Variants in FILIP1L observed in about 807,000 individuals in gnomAD.
FILIP1L encodes the protein filamin A interacting protein 1 like.
Under a neutral mutation model 96.6 loss-of-function variants are expected in FILIP1L, and 55 were observed. That is an observed-to-expected ratio of 0.57 (90% CI 0.46 to 0.71). FILIP1L has a LOEUF of 0.71. Among genes scored for constraint, FILIP1L ranks in the 30% least tolerant of loss-of-function variants. The probability of loss-of-function intolerance (pLI) is 0.00; values close to 1 mark genes in which losing one functional copy is unlikely to be tolerated. For missense variants in FILIP1L, 1,304 were observed against 1,321.2 expected, an observed-to-expected ratio of 0.99 and a Z score of 0.20; for synonymous variants, 467 against 473.9, an observed-to-expected ratio of 0.99 and a Z score of 0.19.
chr3:100,070,828 A>G (rs928948550), intron 1 of FILIP1L, among the ~76,000 whole-genome samples: 2 of 152,132 alleles, frequency 1.3e-5, no homozygotes, highest in African/African-American at 4.8e-5. Flanking sequence ...ACCGGGTCTC[A>G]CCATGTTGGC....
intron 1 of FILIP1L, among the ~76,000 whole-genome samples, chr3:100,037,964 G>GT (rs2065138276): frequency 8.1e-6 from 1 of 124,134 alleles, no homozygotes; most frequent in African/African-American, 3.1e-5. Flanking sequence ...TTTGGGGGGG[G>GT]AGGGAACAGA....
intron 1 of FILIP1L, among the ~76,000 whole-genome samples, chr3:100,057,428 A>C (rs554913517): frequency 2.6e-5 from 4 of 152,300 alleles, no homozygotes; most frequent in Admixed American, 2.6e-4. Flanking sequence ...AAGCTATAGA[A>C]TCTGCTTATA....
intron 1 of FILIP1L, among the ~76,000 whole-genome samples, chr3:100,081,376 C>T (rs1184669633): frequency 1.3e-5 from 2 of 152,120 alleles, no homozygotes; most frequent in Non-Finnish European, 2.9e-5. Flanking sequence ...TTTTGGAAAC[C>T]CAGCAGGATT....
At chr3:100,054,356 A>G (rs2065424401) in intron 1 of FILIP1L, among the ~76,000 whole-genome samples, 2 of 152,172 alleles carry the variant, frequency 1.3e-5, no homozygotes, top group South Asian at 4.1e-4. Flanking sequence ...GAAAGCTCAG[A>G]TCTGGAAAAC....
intron 1 of FILIP1L, among the ~76,000 whole-genome samples, chr3:100,009,606 G>A (rs776960035): frequency 8.5e-5 from 13 of 152,152 alleles, no homozygotes; most frequent in Non-Finnish European, 1.8e-4. Context: ...ATGAACATCA[G>A]TATTCACTTT....
At chr3:99,933,173 G>A (rs927492605) in intron 1 of FILIP1L, among the ~76,000 whole-genome samples, 7 of 152,144 alleles carry the variant, frequency 4.6e-5, no homozygotes, top group Non-Finnish European at 8.8e-5. Context: ...AAATCATGCC[G>A]TAATGTCATT....
intron 1 of FILIP1L, among the ~76,000 whole-genome samples, chr3:100,047,649 A>T (rs1471618813): frequency 1.3e-5 from 2 of 152,210 alleles, no homozygotes; most frequent in Non-Finnish European, 2.9e-5. Context: ...AAGAGACAGT[A>T]GAGTTTTGTC....
chr3:99,856,554 T>G (rs1943975956), intron 4 of FILIP1L, among the ~76,000 whole-genome samples: 1 of 152,242 alleles, frequency 6.6e-6, no homozygotes, highest in African/African-American at 2.4e-5. Context: ...CCAAACTGGC[T>G]TAAAGCAGTA....
chr3:99,983,389 A>AATATAT (rs397990626), intron 1 of FILIP1L, among the ~76,000 whole-genome samples: 26 of 40,792 alleles, frequency 6.4e-4, no homozygotes, highest in African/African-American at 2.2e-3. Context: ...TAAATAAATA[A>AATATAT]ATATATATAT....
chr3:100,035,354 AC>A (rs1482365702), intron 1 of FILIP1L, among the ~76,000 whole-genome samples: 1 of 151,716 alleles, frequency 6.6e-6, no homozygotes, highest in Non-Finnish European at 1.5e-5. Context: ...GCTCACTGCA[AC>A]CCCCGCCTCC....
intron 4 of FILIP1L, among the ~76,000 whole-genome samples, chr3:99,875,717 G>T (rs1426694281): frequency 1.3e-5 from 2 of 152,174 alleles, no homozygotes. Flanking sequence ...CCGGAGGAGA[G>T]ATAGGGTTGC....
At chr3:100,035,602 A>G (rs7432913) in intron 1 of FILIP1L, among the ~76,000 whole-genome samples, 140,765 of 152,244 alleles carry the variant, frequency 0.92, 65,191 homozygotes, top group African/African-American at 0.98. Flanking sequence ...TCTGGTTCCC[A>G]GTAATCAAAC....
intron 2 of FILIP1L, among the ~76,000 whole-genome samples, chr3:99,930,467 G>T (rs1322493017): frequency 1.3e-5 from 2 of 152,148 alleles, no homozygotes; most frequent in Non-Finnish European, 2.9e-5. Flanking sequence ...CAATCCCGAA[G>T]TCATCTGGCA....
chr3:99,973,181 C>T (rs1461703138), intron 1 of FILIP1L, among the ~76,000 whole-genome samples: 4 of 152,156 alleles, frequency 2.6e-5, no homozygotes, highest in African/African-American at 9.7e-5. Context: ...AGTGAATTCT[C>T]TGAAAAACTA....
intron 4 of FILIP1L, among the ~76,000 whole-genome samples, chr3:99,903,185 C>T (rs1432132077): frequency 6.6e-6 from 1 of 151,784 alleles, no homozygotes; most frequent in Non-Finnish European, 1.5e-5. Context: ...GAGAGAAGCA[C>T]TTAAAACAGT....
intron 1 of FILIP1L, among the ~76,000 whole-genome samples, chr3:100,000,980 C>T (rs578018120): frequency 6.6e-6 from 1 of 152,250 alleles, no homozygotes; most frequent in Admixed American, 6.5e-5. Flanking sequence ...TATAAGATAA[C>T]CTAGTTACTG....
At chr3:100,019,343 C>G (rs1021975363) in intron 1 of FILIP1L, among the ~76,000 whole-genome samples, 1 of 152,056 alleles carries the variant, frequency 6.6e-6, no homozygotes, top group Non-Finnish European at 1.5e-5. Flanking sequence ...CTGGGTGAAA[C>G]AGCCAAGGGG....
At chr3:99,968,178 G>A (rs1280369202) in intron 1 of FILIP1L, among the ~76,000 whole-genome samples, 2 of 152,194 alleles carry the variant, frequency 1.3e-5, no homozygotes, top group African/African-American at 4.8e-5. Flanking sequence ...TTCTCCTAAA[G>A]TCTTAAGAAT....
chr3:99,850,949 C>T lies in FILIP1L; in HGVS notation c.727G>A (p.Val243Met). 6.2e-7 allele frequency: 1 copy of T among 1,614,206 alleles called. No individual in the cohort carries two copies. ...TKLKSFALMV[V>M]DEQQRLTAQL... ...GCCGTCAGCCTTTGCTGTTCATCCACCACCATCAAAGCAAAAGACTTCAGC... is the reference window on the plus strand; with the variant it reads ...GCCGTCAGCCTTTGCTGTTCATCCATCACCATCAAAGCAAAAGACTTCAGC... Residue 243 changes from valine (V) to methionine (M), a missense_variant, in exon 5 of 6, where the codon GTG becomes ATG. Transcript: ENST00000477258.
Sources: gnomAD v4.1 joint callset for allele counts (sites outside exome capture counted in the v4.1 genomes callset) on GRCh38, gnomAD v4.1.1 for gene constraint, MANE v1.5 for transcripts, NCBI Gene and HGNC (gene_info 2026-07-23, HGNC 2026-07-21) for gene names.